Variants in ABTB3 observed in about 807,000 individuals in gnomAD.
ABTB3 encodes the protein ankyrin repeat- and BTB/POZ domain-containing protein 3.
the ABTB3 span, chr12:107,649,512 T>C: frequency 3.9e-6 from 2 of 511,092 alleles, no homozygotes; most frequent in Non-Finnish European, 7.1e-6. Flanking sequence ...CTTGCCTGAC[T>C]GCTTTTAGTA....
At chr12:107,399,137 A>G in the ABTB3 span, among the ~76,000 whole-genome samples, 1 of 152,222 alleles carries the variant, frequency 6.6e-6, no homozygotes, top group Non-Finnish European at 1.5e-5. Flanking sequence ...TTTGAACACC[A>G]GAGGAAGTAG....
At chr12:107,549,907 A>T in the ABTB3 span, among the ~76,000 whole-genome samples, 1 of 152,152 alleles carries the variant, frequency 6.6e-6, no homozygotes, top group Admixed American at 6.5e-5. Flanking sequence ...GTTACAAGAG[A>T]TATTGGGGCT....
At chr12:107,430,699 T>C in the ABTB3 span, among the ~76,000 whole-genome samples, 3 of 152,228 alleles carry the variant, frequency 2.0e-5, no homozygotes, top group South Asian at 2.1e-4. Flanking sequence ...AGTGGAAATA[T>C]CTCTAGTGTT....
chr12:107,345,075 C>T, the ABTB3 span, among the ~76,000 whole-genome samples: 2 of 152,170 alleles, frequency 1.3e-5, no homozygotes, highest in African/African-American at 2.4e-5. Flanking sequence ...GGATACCACC[C>T]TTGCTTTTCC....
At chr12:107,482,494 C>T in the ABTB3 span, among the ~76,000 whole-genome samples, 1 of 152,076 alleles carries the variant, frequency 6.6e-6, no homozygotes, top group South Asian at 2.1e-4. Context: ...TGGACAGTGA[C>T]TCAGAGGAAA....
chr12:107,319,553 G>A, the ABTB3 span: 1 of 1,545,528 alleles, frequency 6.5e-7, no homozygotes, highest in Non-Finnish European at 8.7e-7. Context: ...CGGCAAGTCG[G>A]CCCGCTGCGG....
the ABTB3 span, among the ~76,000 whole-genome samples, chr12:107,454,768 C>T: frequency 6.6e-6 from 1 of 152,152 alleles, no homozygotes; most frequent in Non-Finnish European, 1.5e-5. Context: ...TGGTGCATTT[C>T]ATTCCTCTCT....
At chr12:107,591,208 A>G in the ABTB3 span, among the ~76,000 whole-genome samples, 1 of 152,248 alleles carries the variant, frequency 6.6e-6, no homozygotes, top group Non-Finnish European at 1.5e-5. Flanking sequence ...AGCTCTGAAA[A>G]TTATTCAGCT....
the ABTB3 span, among the ~76,000 whole-genome samples, chr12:107,416,363 A>G: frequency 6.6e-6 from 1 of 152,132 alleles, no homozygotes; most frequent in Non-Finnish European, 1.5e-5. Context: ...GTTTCTGGAA[A>G]TCCAGCTAGC....
At chr12:107,509,512 C>A in the ABTB3 span, among the ~76,000 whole-genome samples, 6 of 152,208 alleles carry the variant, frequency 3.9e-5, no homozygotes, top group African/African-American at 1.4e-4. Context: ...AGGCTTCAGG[C>A]TGGCTGGGGA....
the ABTB3 span, among the ~76,000 whole-genome samples, chr12:107,321,001 C>T: frequency 6.6e-6 from 1 of 152,192 alleles, no homozygotes; most frequent in East Asian, 1.9e-4. Context: ...GGGGGTGGGG[C>T]CGGGGCGCTT....
the ABTB3 span, among the ~76,000 whole-genome samples, chr12:107,601,797 A>G: frequency 1.3e-5 from 2 of 152,224 alleles, no homozygotes. Context: ...TCGTATTTGT[A>G]AAAAGCTTAC....
At chr12:107,623,687 C>T in the ABTB3 span, among the ~76,000 whole-genome samples, 1 of 152,128 alleles carries the variant, frequency 6.6e-6, no homozygotes, top group African/African-American at 2.4e-5. Flanking sequence ...TTTTCTAACA[C>T]ATCATTCCCC....
the ABTB3 span, among the ~76,000 whole-genome samples, chr12:107,583,785 G>A: frequency 2.0e-4 from 30 of 152,230 alleles, no homozygotes; most frequent in African/African-American, 6.3e-4. Flanking sequence ...ATGTGAATGT[G>A]ATGTGCACGC....
the ABTB3 span, among the ~76,000 whole-genome samples, chr12:107,481,028 G>A: frequency 1.3e-5 from 2 of 152,160 alleles, no homozygotes; most frequent in African/African-American, 4.8e-5. Flanking sequence ...GGTTCTCGAT[G>A]ACTGGTGATT....
the ABTB3 span, among the ~76,000 whole-genome samples, chr12:107,539,257 G>A: frequency 6.6e-6 from 1 of 152,018 alleles, no homozygotes; most frequent in Non-Finnish European, 1.5e-5. Flanking sequence ...TAAAAACATT[G>A]TCTCAGTGCC....
the ABTB3 span, among the ~76,000 whole-genome samples, chr12:107,598,823 CAA>C: frequency 1.3e-5 from 2 of 152,176 alleles, no homozygotes. Context: ...GTGATTTGTC[CAA>C]AGTCACACAG....
the ABTB3 span, among the ~76,000 whole-genome samples, chr12:107,377,465 G>A: frequency 6.7e-5 from 10 of 150,114 alleles, no homozygotes; most frequent in East Asian, 2.0e-4. Context: ...TGTATACTCC[G>A]TTTATGCTCA....
chr12:107,340,057 CA>C, the ABTB3 span, among the ~76,000 whole-genome samples: 1 of 151,722 alleles, frequency 6.6e-6, no homozygotes, highest in Non-Finnish European at 1.5e-5. Context: ...AACATCTAAC[CA>C]GACTTTTTTT....
Sources: allele counts gnomAD v4.1 joint callset (sites outside exome capture counted in the v4.1 genomes callset), GRCh38; gene constraint gnomAD v4.1.1; transcripts MANE v1.5; gene names NCBI Gene and HGNC (gene_info 2026-07-23, HGNC 2026-07-21).